The following MAP2K3 variants were observed in gnomAD, a reference collection of about 807,000 sequenced individuals.
MAP2K3 encodes the protein mitogen-activated protein kinase kinase 3.
In MAP2K3, 30 loss-of-function variants were observed where a neutral mutation model predicts 46.4. The observed-to-expected ratio is 0.65, with a 90% CI of 0.48 to 0.88. The LOEUF is 0.88. Ranked by LOEUF, MAP2K3 falls within the 40% of genes least tolerant of loss-of-function variation. MAP2K3 has a pLI of 0.00. For synonymous variants in MAP2K3, 189 were observed against 176.3 expected (o/e 1.07, Z -0.57); for missense variants, 380 against 464.5 (o/e 0.82, Z 1.67).
intron 9 of MAP2K3, among the ~76,000 whole-genome samples, chr17:21,311,435 G>A (rs1278114854): frequency 6.6e-6 from 1 of 152,034 alleles, no homozygotes; most frequent in South Asian, 2.1e-4. Flanking sequence ...GAGACCCACC[G>A]GCCCGATGTC....
intron 1 of MAP2K3, chr17:21,295,665 T>C (rs1324223269): frequency 7.8e-7 from 1 of 1,289,472 alleles, no homozygotes; most frequent in Admixed American, 2.3e-5. Context: ...AGGCTTGGTG[T>C]CCCCAACAGG....
chr17:21,298,117 A>G (rs1377256991), intron 1 of MAP2K3, among the ~76,000 whole-genome samples: 2 of 152,312 alleles, frequency 1.3e-5, no homozygotes, highest in Non-Finnish European at 1.5e-5. Flanking sequence ...CACCTCACAG[A>G]TGGGGAAACT....
At chr17:21,304,613 A>C in intron 8 of MAP2K3, 60 bp downstream of exon 8, 1 of 1,609,700 alleles carries the variant, frequency 6.2e-7, no homozygotes, top group South Asian at 1.1e-5. Flanking sequence ...AAATCTGCCC[A>C]GGCTGGCCAC....
intron 1 of MAP2K3, among the ~76,000 whole-genome samples, chr17:21,292,019 C>T (rs1201538123): frequency 8.5e-5 from 13 of 152,308 alleles, no homozygotes; most frequent in African/African-American, 1.7e-4. Flanking sequence ...CACTGAGGTG[C>T]GGGGAAGGCA....
At chr17:21,290,565 A>G (rs1204153674) in intron 1 of MAP2K3, among the ~76,000 whole-genome samples, 1 of 152,310 alleles carries the variant, frequency 6.6e-6, no homozygotes, top group Non-Finnish European at 1.5e-5. Flanking sequence ...AAGTCCAGGG[A>G]GCCCCTAGGT....
At chr17:21,295,941 A>T (rs1044233438) in intron 1 of MAP2K3, 12 of 1,242,420 alleles carry the variant, frequency 9.7e-6, no homozygotes, top group Middle Eastern at 2.2e-4. Flanking sequence ...GGCTGGGGGC[A>T]AGGTCAAGGC....
chr17:21,313,566 G>T, intron 11 of MAP2K3, 29 bp downstream of exon 11: 1 of 1,566,022 alleles, frequency 6.4e-7, no homozygotes, highest in Non-Finnish European at 8.8e-7. Flanking sequence ...TGCCTGCCCT[G>T]CTCTTCAGGG....
rs1429816433 is a variant in MAP2K3, at chr17:21,292,911, CT to C, written c.50-5498del. ...ATCCTCACCAATTCCATGTGCCAGC[CT>C]TTTGATTCTATAAACCCTGGGCCTC... On this transcript the variant is annotated intron_variant, in intron 1 of 11. Coordinates refer to ENST00000342679, the MANE Select transcript of MAP2K3 (RefSeq NM_145109.3). 2.0e-5 allele frequency among the ~76,000 whole-genome samples: 3 copies of C among 152,306 alleles called. No homozygotes were observed. In the East Asian group the frequency reaches 5.8e-4, roughly 29 times the overall value.
At chr17:21,298,791 G>T in intron 2 of MAP2K3, 87 bp from the exon 3 acceptor site, 1 of 1,600,056 alleles carries the variant, frequency 6.2e-7, no homozygotes, top group Non-Finnish European at 8.6e-7. Context: ...TCGTCCCCAC[G>T]CCAGGCCCCA....
At chr17:21,298,623 G>T in intron 2 of MAP2K3, 144 bp downstream of exon 2, 1 of 1,346,862 alleles carries the variant, frequency 7.4e-7, no homozygotes, top group South Asian at 1.2e-5. Flanking sequence ...ACAGCCAGGT[G>T]ACGGCTGCTG....
rs1276023020 is a variant in MAP2K3 at position 21,313,504 on chromosome 17, C to T, written c.927C>T (p.Asn309=). Residue 309 remains asparagine (N), a synonymous_variant, in exon 11 of 12, where the codon AAC becomes AAT. Transcript: ENST00000342679. ...TATTCTCTCCTAGCCTGAGGAAGAA[C>T]CCCGCAGAGCGTATGAGCTACCTGG... ...VDFTAQCLRK[N]PAERMSYLEL... The T allele has an allele frequency of 2.5e-6, 4 of 1,612,958 alleles. No homozygotes were observed. Among genetic ancestry groups the T allele is most frequent in the East Asian group, 4.5e-5 (2 of 44,848 alleles).
intron 1 of MAP2K3, among the ~76,000 whole-genome samples, chr17:21,296,765 C>T (rs1352586823): frequency 6.6e-6 from 1 of 152,310 alleles, no homozygotes; most frequent in Middle Eastern, 3.2e-3. Flanking sequence ...CGCAGTGAGA[C>T]CCATGCGGTC....
chr17:21,291,601 C>G (rs763644410), intron 1 of MAP2K3: 1 of 456,352 alleles, frequency 2.2e-6, no homozygotes, highest in Non-Finnish European at 4.4e-6. Context: ...TTGTGGGTCC[C>G]CCTGCCCTGT....
chr17:21,300,321 G>C (rs1219525310), intron 3 of MAP2K3: 1 of 600,890 alleles, frequency 1.7e-6, no homozygotes, highest in Non-Finnish European at 3.0e-6. Flanking sequence ...CTCCATAGCA[G>C]CCTTGGGGTG....
In MAP2K3 at chr17:21,303,172, C is replaced by T. The variant is rs1316019842; in HGVS notation, c.517-11C>T. On this transcript the variant is annotated splice_polypyrimidine_tract_variant and intron_variant, in intron 6 of 11. Transcript: ENST00000342679. ...GTCCTGTCTCTTCCCTCCTCCCCACCCCACCGCCAGATCGTGCGGGCCCTG... is the reference window on the plus strand; with the variant it reads ...GTCCTGTCTCTTCCCTCCTCCCCACTCCACCGCCAGATCGTGCGGGCCCTG... 2 of 1,614,238 alleles carry T rather than the reference C, an allele frequency of 1.2e-6. No homozygotes were observed. The highest frequency in any genetic ancestry group is 1.7e-6 in the Non-Finnish European group (2 of 1,180,046).
At chr17:21,302,114 C>T (rs1203394618) in intron 5 of MAP2K3, 29 bp from the exon 6 acceptor site, 3 of 1,612,386 alleles carry the variant, frequency 1.9e-6, no homozygotes, top group South Asian at 2.2e-5. Context: ...AGCCCGGCAG[C>T]CTGGCTGAGC....
intron 9 of MAP2K3, 89 bp from the exon 10 acceptor site, chr17:21,312,053 G>C (rs1012050271): frequency 1.1e-5 from 14 of 1,282,924 alleles, no homozygotes; most frequent in Middle Eastern, 2.8e-4. Context: ...CTGGTACCAG[G>C]ATGGGTGGGA....
intron 6 of MAP2K3, among the ~76,000 whole-genome samples, chr17:21,302,809 C>T (rs1487164477): frequency 2.0e-5 from 3 of 152,308 alleles, no homozygotes; most frequent in African/African-American, 4.8e-5. Context: ...GGCTCCCCAC[C>T]CAGCCTTCCC....
chr17:21,301,202 C>T (rs1033657166), intron 5 of MAP2K3, among the ~76,000 whole-genome samples: 1 of 152,310 alleles, frequency 6.6e-6, no homozygotes, highest in Non-Finnish European at 1.5e-5. Context: ...TGGGTGCCTC[C>T]TAAAGTTGAC....
Sources: gnomAD v4.1 joint callset for allele counts (sites outside exome capture counted in the v4.1 genomes callset) on GRCh38, gnomAD v4.1.1 for gene constraint, MANE v1.5 for transcripts, NCBI Gene and HGNC (gene_info 2026-07-23, HGNC 2026-07-21) for gene names.